Variants in LCK observed in about 807,000 individuals in gnomAD.
The protein encoded by LCK is LCK proto-oncogene, Src family tyrosine kinase.
In LCK, 14 loss-of-function variants were observed where a neutral mutation model predicts 64.6. The ratio of observed to expected loss-of-function variants is 0.22; its 90% CI spans 0.14 to 0.34. The LOEUF is 0.34. Ranked by LOEUF, LCK falls within the 10% of genes least tolerant of loss-of-function variation. The probability of loss-of-function intolerance (pLI) is 1.00; values close to 1 mark genes in which losing one functional copy is unlikely to be tolerated. For missense variants in LCK, 434 were observed against 668.1 expected, an observed-to-expected ratio of 0.65 and a Z score of 3.86; for synonymous variants, 277 against 263.6, an observed-to-expected ratio of 1.05 and a Z score of -0.49.
At chr1:32,263,022 C>T (rs1569916807) in intron 1 of LCK, among the ~76,000 whole-genome samples, 1 of 152,068 alleles carries the variant, frequency 6.6e-6, no homozygotes, top group African/African-American at 2.4e-5. Flanking sequence ...TCGAGGCTGC[C>T]TCTGACTAGG....
At chr1:32,267,654 G>C (rs1159193902) in intron 1 of LCK, among the ~76,000 whole-genome samples, 1 of 152,112 alleles carries the variant, frequency 6.6e-6, no homozygotes, top group African/African-American at 2.4e-5. Context: ...CCAGCACTTT[G>C]AGAGGCCGAG....
At chr1:32,284,318 T>C (rs555176889) in intron 12 of LCK, among the ~76,000 whole-genome samples, 1 of 147,498 alleles carries the variant, frequency 6.8e-6, no homozygotes, top group East Asian at 2.0e-4. Flanking sequence ...CTGTGAGAGA[T>C]ATATATATGT....
At chr1:32,281,726 A>G (rs1368845148) in intron 12 of LCK, among the ~76,000 whole-genome samples, 2 of 152,070 alleles carry the variant, frequency 1.3e-5, no homozygotes, top group African/African-American at 4.8e-5. Context: ...AGCTTCCCAT[A>G]TCCCCAGAGC....
In LCK at chr1:32,252,987, G is replaced by A. The variant is rs78924608; in HGVS notation, c.-6+1616G>A. Among the ~76,000 whole-genome samples, 561 of 152,220 alleles carry A rather than the reference G, an allele frequency of 3.7e-3. 2 individuals are homozygous for A. Among genetic ancestry groups the A allele is most frequent in the African/African-American group, 0.013 (529 of 41,532 alleles). ...AGAATGTGCATTTCAGAGACAGGCC[G>A]ACCCAGTCACAATTCCGCTGGACCA... On this transcript the variant is annotated intron_variant, in intron 1 of 12. Coordinates refer to ENST00000336890, the MANE Select transcript of LCK (RefSeq NM_005356.5).
Position 32,251,871 on chromosome 1 carries a change from C to T in LCK, c.-6+500C>T, listed in dbSNP as rs1344277405. ...ATCCTTCTGGTTTCTGGGGCAGACC[C>T]CAGTGACAAGAATCTCCTGAGAAAG... is the stretch of plus-strand genomic sequence containing the variant. On this transcript the variant is annotated intron_variant, in intron 1 of 12. Coordinates refer to ENST00000336890, the MANE Select transcript of LCK (RefSeq NM_005356.5). This position sits in a 1 kb window ranked among gnomAD's most constrained non-coding sequence, Gnocchi z 4.0. Among the ~76,000 whole-genome samples the T allele has an allele frequency of 3.3e-5, 5 of 149,546 alleles. No individual in the cohort carries two copies. Among genetic ancestry groups the T allele is most frequent in the African/African-American group, 1.2e-4 (5 of 40,338 alleles).
intron 12 of LCK, among the ~76,000 whole-genome samples, chr1:32,282,548 G>C (rs1640492742): frequency 1.3e-5 from 2 of 152,198 alleles, no homozygotes; most frequent in South Asian, 2.1e-4. Flanking sequence ...ACTCACACCT[G>C]TAATCCCAGC....
chr1:32,262,431 T>C (rs921709387), intron 1 of LCK, among the ~76,000 whole-genome samples: 22 of 147,746 alleles, frequency 1.5e-4, no homozygotes, highest in African/African-American at 5.1e-4. Flanking sequence ...TTCTTTTCTT[T>C]TTTTTTTTTT....
chr1:32,262,496 C>T (rs1639802575), intron 1 of LCK, among the ~76,000 whole-genome samples: 1 of 150,488 alleles, frequency 6.6e-6, no homozygotes, highest in Non-Finnish European at 1.5e-5. Flanking sequence ...GATCTCGGCT[C>T]ACTGCAACCT....
chr1:32,274,874 C>T, intron 3 of LCK, 56 bp downstream of exon 3: 8 of 1,613,820 alleles, frequency 5.0e-6, no homozygotes, highest in Non-Finnish European at 6.8e-6. Flanking sequence ...TGGCTGTTGG[C>T]TTCCACCTCT....
At chr1:32,273,893 G>A (rs193269191) in intron 1 of LCK, among the ~76,000 whole-genome samples, 37 of 152,180 alleles carry the variant, frequency 2.4e-4, no homozygotes, top group Middle Eastern at 3.4e-3. Flanking sequence ...GAGGTGTGGC[G>A]TGCACACCTC....
At chr1:32,261,776 A>G (rs990327288) in intron 1 of LCK, among the ~76,000 whole-genome samples, 1 of 150,830 alleles carries the variant, frequency 6.6e-6, no homozygotes, top group Admixed American at 6.6e-5. Context: ...ACATGGTGAA[A>G]CCCCGTCTCT....
chr1:32,282,822 A>C (rs1403313070), intron 12 of LCK, among the ~76,000 whole-genome samples: 1 of 151,880 alleles, frequency 6.6e-6, no homozygotes, highest in Non-Finnish European at 1.5e-5. Flanking sequence ...AAATATAAAT[A>C]AATTAAATAA....
Position 32,276,671 on chromosome 1 carries a change from C to G in LCK, c.849C>G (p.Asp283Glu), listed in dbSNP as rs760860694. Residue 283 changes from aspartate to glutamate, a missense_variant, in exon 9 of 13, where the codon GAC (aspartate) becomes GAG (glutamate). Asp to Glu is a conservative substitution (Grantham distance 45, BLOSUM62 2). Transcript: ENST00000336890. This position sits in a 1 kb window ranked among gnomAD's most constrained non-coding sequence, Gnocchi z 4.6. The stretch of plus-strand genomic sequence containing the variant: ...TGAAGCAGGGCAGCATGTCCCCGGA[C>G]GCCTTCCTGGCCGAGGCCAACCTCA... ...KSLKQGSMSP[D>E]AFLAEANLMK... 1 of 1,614,008 alleles carries G rather than the reference C, an allele frequency of 6.2e-7. No homozygotes were observed.
Position 32,275,729 on chromosome 1 carries a change from G to A in LCK, c.481+57G>A. 2.7e-6 allele frequency: 4 copies of A among 1,480,772 alleles called. No homozygotes were observed. The highest frequency in any genetic ancestry group is 4.0e-5 in the Admixed American group (2 of 50,106). 91.7% of individuals were successfully genotyped at this position (1,480,772 alleles called of 1,614,324 possible). ...GGGTGCCCCGGGGTGTGCCCGAGGGGGGGCGCAGGGTGAGCCCGAGGTGGA... is the reference window on the plus strand; with the variant it reads ...GGGTGCCCCGGGGTGTGCCCGAGGGAGGGCGCAGGGTGAGCCCGAGGTGGA... On this transcript the variant is annotated intron_variant, in intron 6 of 12. Transcript: ENST00000336890. The surrounding 1 kb of genome is among the most constrained non-coding windows in gnomAD (Gnocchi z 6.9).
rs1473441212 is a variant in LCK at position 32,276,495 on chromosome 1, T to C, written c.784+6T>C. 1.2e-6 allele frequency: 2 copies of C among 1,604,730 alleles called. No homozygotes were observed. The highest frequency in any genetic ancestry group is 1.7e-6 in the Non-Finnish European group (2 of 1,175,280). Reference sequence around the variant, plus strand: ...GTTCGGGGAGGTGTGGATGGGTGAGTGTGGCCTCCAGGACTGCCTGGGAAG... The same window carrying C: ...GTTCGGGGAGGTGTGGATGGGTGAGCGTGGCCTCCAGGACTGCCTGGGAAG... On this transcript the variant is annotated splice_donor_region_variant and intron_variant, in intron 8 of 12. Transcript: ENST00000336890. The surrounding 1 kb of genome is among the most constrained non-coding windows in gnomAD (Gnocchi z 4.6).
intron 1 of LCK, among the ~76,000 whole-genome samples, chr1:32,262,230 G>A (rs1418861219): frequency 6.3e-5 from 9 of 143,042 alleles, no homozygotes; most frequent in East Asian, 2.4e-4. Flanking sequence ...GTCGGGTGCC[G>A]TGGCTCACAC....
chr1:32,275,717 T>A lies in LCK; in HGVS notation c.481+45T>A. On this transcript the variant is annotated intron_variant, in intron 6 of 12. Transcript: ENST00000336890. This position sits in a 1 kb window ranked among gnomAD's most constrained non-coding sequence, Gnocchi z 6.9. ...GACCGGGCGCGGGGGTGCCCCGGGG[T>A]GTGCCCGAGGGGGGGCGCAGGGTGA... 6.7e-7 allele frequency: 1 copy of A among 1,502,058 alleles called. No individual in the cohort carries two copies. Among genetic ancestry groups the A allele is most frequent in the Non-Finnish European group, 9.0e-7 (1 of 1,113,462 alleles). 93.0% of individuals were successfully genotyped at this position (1,502,058 alleles called of 1,614,324 possible).
At chr1:32,263,189 C>T (rs928733536) in intron 1 of LCK, among the ~76,000 whole-genome samples, 3 of 151,552 alleles carry the variant, frequency 2.0e-5, no homozygotes, top group African/African-American at 7.3e-5. Flanking sequence ...GTTGGGAGTT[C>T]GAGACCAACC....
chr1:32,263,289 G>A (rs542322410), intron 1 of LCK, among the ~76,000 whole-genome samples: 8 of 152,054 alleles, frequency 5.3e-5, no homozygotes, highest in African/African-American at 1.9e-4. Flanking sequence ...CTACTTGGGA[G>A]GCTCAAACAG....
Sources: gnomAD v4.1 joint callset for allele counts (sites outside exome capture counted in the v4.1 genomes callset) on GRCh38, gnomAD v4.1.1 for gene constraint, Gnocchi (gnomAD v3.1) non-coding constraint, MANE v1.5 for transcripts, NCBI Gene and HGNC (gene_info 2026-07-23, HGNC 2026-07-21) for gene names.